FSHR: variants seen among roughly 807,000 people sequenced by gnomAD.
FSHR encodes follicle-stimulating hormone receptor.
A neutral mutation model predicts 52.1 loss-of-function variants in FSHR; 46 were observed. The observed-to-expected ratio is 0.88, with a 90% CI of 0.70 to 1.13. The LOEUF (loss-of-function observed/expected upper bound fraction) is 1.13. Ranked by LOEUF, FSHR falls within the 50% of genes most tolerant of loss-of-function variation. The pLI, the probability that FSHR is intolerant of heterozygous loss-of-function variation, is 0.00. For missense variants in FSHR, 964 were observed against 834.6 expected, an observed-to-expected ratio of 1.16 and a Z score of -1.91; for synonymous variants, 399 against 309.6, an observed-to-expected ratio of 1.29 and a Z score of -3.03.
intron 1 of FSHR, among the ~76,000 whole-genome samples, chr2:49,084,138 AAACT>A (rs1451006663): frequency 6.6e-6 from 1 of 152,238 alleles, no homozygotes; most frequent in Non-Finnish European, 1.5e-5. Context: ...AAATTGTAAC[AAACT>A]ATCTCTCAGA....
intron 8 of FSHR, among the ~76,000 whole-genome samples, chr2:48,980,574 G>C (rs1675201479): frequency 6.6e-6 from 1 of 152,158 alleles, no homozygotes. Context: ...ATCTAACATT[G>C]ACTGGTGTTC....
In FSHR at chr2:48,962,589, T is replaced by C; in HGVS notation, c.*144A>G. On this transcript the variant is annotated 3_prime_UTR_variant, in exon 10 of 10. Transcript: ENST00000406846. ...CTAATGTATCACATGGAATTAATAG[T>C]TCCTGACCAATTTACCTTAAAGGTA... The C allele has an allele frequency of 1.3e-6, 1 of 788,484 alleles. No individual in the cohort carries two copies. The highest frequency in any genetic ancestry group is 1.7e-5 in the South Asian group (1 of 59,648). 48.8% of individuals were successfully genotyped at this position (788,484 alleles called of 1,614,324 possible). A position where few individuals can be genotyped will look rare whatever the true frequency, so the allele number is the denominator to read the frequency against.
rs576785546 is a variant in FSHR, at chr2:49,080,759, G to A, written c.153-12469C>T. Among the ~76,000 whole-genome samples, 4 of 152,234 alleles carry A rather than the reference G, an allele frequency of 2.6e-5. No individual in the cohort carries two copies. In the East Asian group the frequency reaches 7.7e-4, roughly 29 times the overall value. ...AGAAACTGCCCCTCCCAGTGGTGGT[G>A]GCTAATGCCCAGAGACAGCAAACAA... On this transcript the variant is annotated intron_variant, in intron 1 of 9. Coordinates refer to ENST00000406846, the MANE Select transcript of FSHR (RefSeq NM_000145.4).
intron 1 of FSHR, among the ~76,000 whole-genome samples, chr2:49,147,766 C>T (rs770268921): frequency 2.6e-5 from 4 of 151,804 alleles, no homozygotes; most frequent in Non-Finnish European, 5.9e-5. Context: ...TATAAACCTC[C>T]CTTCCCCCAG....
chr2:49,025,957 A>G (rs1006492203), intron 2 of FSHR, among the ~76,000 whole-genome samples: 6 of 152,182 alleles, frequency 3.9e-5, no homozygotes, highest in African/African-American at 7.2e-5. Flanking sequence ...GAGAGGCTCA[A>G]TTCAAGGTGG....
At chr2:48,971,603 C>T (rs1325386042) in intron 8 of FSHR, among the ~76,000 whole-genome samples, 1 of 152,108 alleles carries the variant, frequency 6.6e-6, no homozygotes. Context: ...TATACATAGT[C>T]CCCTCTTTGT....
chr2:48,963,098 C>T lies in FSHR; in HGVS notation c.1723G>A (p.Ala575Thr). 1 of 1,613,988 alleles carries T rather than the reference C, an allele frequency of 6.2e-7. No homozygotes were observed. The highest frequency in any genetic ancestry group is 8.5e-7 in the Non-Finnish European group (1 of 1,179,988). The change falls in exon 10 of 10, where the codon GCC becomes ACC. Residue 575 changes from alanine to threonine, a missense_variant. Coordinates refer to ENST00000406846, the MANE Select transcript of FSHR (RefSeq NM_000145.4). ...SSDTRIAKRMAMLIFTDFLCM... is the reference protein window; with the variant it reads ...SSDTRIAKRMTMLIFTDFLCM... Reference sequence around the variant, plus strand: ...AGGAAGTCAGTGAAGATGAGCATGGCCATGCGCTTGGCGATCCTGGTGTCA... The same window carrying T: ...AGGAAGTCAGTGAAGATGAGCATGGTCATGCGCTTGGCGATCCTGGTGTCA...
At chr2:49,127,548 C>T (rs553865217) in intron 1 of FSHR, among the ~76,000 whole-genome samples, 1 of 148,008 alleles carries the variant, frequency 6.8e-6, no homozygotes, top group African/African-American at 2.5e-5. Flanking sequence ...ACACACACAC[C>T]CCATGTACAC....
At chr2:49,091,216 T>C (rs9941637) in intron 1 of FSHR, among the ~76,000 whole-genome samples, 33,956 of 152,002 alleles carry the variant, frequency 0.22, 3,814 homozygotes, top group East Asian at 0.28. Context: ...CTAGTGTTTT[T>C]GTCTAAGTTT....
chr2:48,983,070 G>A (rs1397683863), intron 7 of FSHR, 28 bp downstream of exon 7: 2 of 1,611,672 alleles, frequency 1.2e-6, no homozygotes, highest in Non-Finnish European at 1.7e-6. Flanking sequence ...CCTTTAAATG[G>A]CCTTGAAGAA....
intron 1 of FSHR, among the ~76,000 whole-genome samples, chr2:49,135,207 A>AT (rs1294210591): frequency 6.6e-6 from 1 of 150,444 alleles, no homozygotes; most frequent in Admixed American, 6.7e-5. Flanking sequence ...GATAGACCAT[A>AT]TGCTAAGCCA....
In FSHR at chr2:49,097,288, G is replaced by T. The variant is rs73931541; in HGVS notation, c.153-28998C>A. Among the ~76,000 whole-genome samples the T allele has an allele frequency of 9.0e-3, 1,370 of 152,248 alleles. 23 individuals carry two copies. Among genetic ancestry groups the T allele is most frequent in the African/African-American group, 0.031 (1,297 of 41,538 alleles). On this transcript the variant is annotated intron_variant, in intron 1 of 9. Transcript: ENST00000406846. The stretch of plus-strand genomic sequence containing the variant: ...GATTTTCTAAGCTGTAGGTGAATCT[G>T]TGGGTCTATGTCTTTCATTAGATAT...
chr2:49,006,334 A>G (rs1275336072), intron 4 of FSHR, among the ~76,000 whole-genome samples: 2 of 152,038 alleles, frequency 1.3e-5, no homozygotes, highest in African/African-American at 2.4e-5. Context: ...GCTGCTCAAG[A>G]ATATGTTATA....
intron 1 of FSHR, among the ~76,000 whole-genome samples, chr2:49,120,782 G>A (rs1295486647): frequency 2.0e-5 from 3 of 152,198 alleles, no homozygotes; most frequent in Non-Finnish European, 2.9e-5. Context: ...TGTTTTAAAA[G>A]AGCTTACCAC....
In FSHR at chr2:49,154,267, G is replaced by T. The variant is rs764329561; in HGVS notation, c.151C>A (p.Leu51Met). The part of the protein sequence containing the change: ...PSDLPRNAIE[L>M]RFVLTKLRVI... Reference sequence around the variant, plus strand: ...GTTCCCCCTCCCTCTGATACTCACAGTTCAATGGCATTCCTCGGGAGGTCA... The same window carrying T: ...GTTCCCCCTCCCTCTGATACTCACATTTCAATGGCATTCCTCGGGAGGTCA... Residue 51 changes from leucine to methionine, a missense_variant and splice_region_variant, in exon 1 of 10, where the codon CTG (leucine) becomes ATG (methionine). Transcript: ENST00000406846. 4 of 1,613,716 alleles carry T rather than the reference G, an allele frequency of 2.5e-6. No individual in the cohort carries two copies. The highest frequency in any genetic ancestry group is 1.7e-5 in the Admixed American group (1 of 59,984).
intron 2 of FSHR, among the ~76,000 whole-genome samples, chr2:49,054,404 C>T (rs1486417941): frequency 3.9e-5 from 6 of 152,224 alleles, no homozygotes; most frequent in Middle Eastern, 3.4e-3. Flanking sequence ...AGAAGACACA[C>T]GAACCCACAT....
At chr2:49,114,913 A>G (rs9309159) in intron 1 of FSHR, among the ~76,000 whole-genome samples, 45,836 of 151,688 alleles carry the variant, frequency 0.3, 7,798 homozygotes, top group Non-Finnish European at 0.38. Flanking sequence ...TTTGAAAGGT[A>G]AGAAGATATA....
At chr2:49,133,976 C>T (rs938928865) in intron 1 of FSHR, among the ~76,000 whole-genome samples, 5 of 152,138 alleles carry the variant, frequency 3.3e-5, no homozygotes, top group African/African-American at 1.2e-4. Flanking sequence ...TAGAAGGAAA[C>T]CTAGGCAATA....
intron 2 of FSHR, among the ~76,000 whole-genome samples, chr2:49,045,641 G>C (rs1668629281): frequency 6.6e-6 from 1 of 152,148 alleles, no homozygotes; most frequent in Non-Finnish European, 1.5e-5. Flanking sequence ...GGGACAGCTT[G>C]GGTCAATTTT....
Sources: gnomAD v4.1 joint callset for allele counts (sites outside exome capture counted in the v4.1 genomes callset) on GRCh38, gnomAD v4.1.1 for gene constraint, MANE v1.5 for transcripts, NCBI Gene and HGNC (gene_info 2026-07-23, HGNC 2026-07-21) for gene names.